The following ULK2 variants were observed in gnomAD, a reference collection of about 807,000 sequenced individuals.
ULK2 encodes unc-51 like autophagy activating kinase 2.
ULK2 carries 76 observed loss-of-function variants against 127.5 expected under a neutral mutation model. The ratio of observed to expected loss-of-function variants is 0.60; its 90% CI spans 0.50 to 0.72. ULK2 has a LOEUF of 0.72. ULK2 is among the 30% of genes least tolerant of loss of function. ULK2 has a pLI of 0.00. For missense variants in ULK2, 1,144 were observed against 1,295.9 expected, an observed-to-expected ratio of 0.88 and a Z score of 1.80; for synonymous variants, 452 against 461.9, an observed-to-expected ratio of 0.98 and a Z score of 0.28.
At chr17:19,786,201 T>TC (rs1378021164) in intron 20 of ULK2, 115 bp from the exon 21 acceptor site, 8 of 899,334 alleles carry the variant, frequency 8.9e-6, no homozygotes, top group South Asian at 3.9e-5. Context: ...TTTTTTTTTT[T>TC]CCCTCTTCTT....
chr17:19,857,475 A>T (rs1301988301), intron 3 of ULK2, among the ~76,000 whole-genome samples: 1 of 152,152 alleles, frequency 6.6e-6, no homozygotes, highest in East Asian at 1.9e-4. Context: ...TTAAGCTTTT[A>T]ATTCATTTGG....
intron 9 of ULK2, among the ~76,000 whole-genome samples, chr17:19,839,224 T>C (rs2041676089): frequency 1.3e-5 from 2 of 152,114 alleles, no homozygotes; most frequent in African/African-American, 2.4e-5. Context: ...TATTACAAAG[T>C]AGCCACCTCC....
chr17:19,819,983 T>C (rs73980716), intron 12 of ULK2, among the ~76,000 whole-genome samples: 1 of 152,130 alleles, frequency 6.6e-6, no homozygotes, highest in African/African-American at 2.4e-5. Flanking sequence ...TGGGAGAATC[T>C]AGCTAAAAAA....
chr17:19,775,092 TTAAAA>T lies in ULK2; in HGVS notation c.*1252_*1256del, dbSNP rs2086791301. 6.6e-6 allele frequency: 1 copy of T among 152,556 alleles called. No homozygotes were observed. Among genetic ancestry groups the T allele is most frequent in the African/African-American group, 2.4e-5 (1 of 41,426 alleles). 9.5% of individuals were successfully genotyped at this position (152,556 alleles called of 1,614,324 possible). ...GTTCAGATTATTTTATGTAAAAGGA[TTAAAA>T]TAAAAGGATTAAAATTGGTGAATGG... On this transcript the variant is annotated 3_prime_UTR_variant, in exon 27 of 27. Transcript: ENST00000395544.
chr17:19,852,634 T>A (rs2042043051), intron 3 of ULK2, among the ~76,000 whole-genome samples: 1 of 135,222 alleles, frequency 7.4e-6, no homozygotes, highest in Non-Finnish European at 1.5e-5. Context: ...ATAAAGTAAA[T>A]TTTTTTTTTT....
At chr17:19,807,966 C>T (rs1240332790) in intron 14 of ULK2, among the ~76,000 whole-genome samples, 1 of 152,008 alleles carries the variant, frequency 6.6e-6, no homozygotes, top group Non-Finnish European at 1.5e-5. Context: ...ATTAGCCAGG[C>T]GTGGTGGCGG....
intron 3 of ULK2, among the ~76,000 whole-genome samples, chr17:19,851,668 A>G (rs1356265485): frequency 6.6e-6 from 1 of 151,900 alleles, no homozygotes; most frequent in Non-Finnish European, 1.5e-5. Context: ...ATAAAAATAA[A>G]AAAGTCTTGA....
At chr17:19,804,457 T>A (rs1022387736) in intron 15 of ULK2, among the ~76,000 whole-genome samples, 5 of 151,800 alleles carry the variant, frequency 3.3e-5, no homozygotes, top group Non-Finnish European at 7.4e-5. Context: ...TACACATGTA[T>A]ACTTAACATA....
At chr17:19,795,018 G>A (rs1025240684) in intron 20 of ULK2, among the ~76,000 whole-genome samples, 5 of 152,004 alleles carry the variant, frequency 3.3e-5, no homozygotes, top group Admixed American at 6.5e-5. Flanking sequence ...GGCGGAGCTT[G>A]CAGTGAGCCA....
chr17:19,846,633 C>A, intron 6 of ULK2, 104 bp downstream of exon 6: 2 of 1,284,464 alleles, frequency 1.6e-6, no homozygotes, highest in Non-Finnish European at 2.1e-6. Flanking sequence ...GAGCGAGACT[C>A]CATCTCAAAA....
At position 19,829,551 on chromosome 17, in the gene ULK2, G is replaced by GGGGC. The variant is rs1567708399; in HGVS notation, c.788-3366_788-3365insGCCC. 2.8e-5 allele frequency among the ~76,000 whole-genome samples: 4 copies of GGGGC among 141,774 alleles called. 1 individual carries two copies. In the South Asian group the frequency reaches 9.2e-4, roughly 32 times the overall value. The allele number at this position is 141,774 out of a possible 152,430, so 93.0% of individuals were successfully genotyped here. ...GACCCTGTCAAGGAAAAAAAAAAGG[G>GGGGC]GGGGGGCTGGGCACGGTAGCTCACG... On this transcript the variant is annotated intron_variant, in intron 10 of 26. Transcript: ENST00000395544.
intron 9 of ULK2, chr17:19,840,213 C>A: frequency 4.0e-6 from 2 of 499,568 alleles, no homozygotes; most frequent in South Asian, 1.5e-5. Context: ...TCCGGACACC[C>A]GACGGGCGCA....
At chr17:19,842,412 G>C in intron 8 of ULK2, among the ~76,000 whole-genome samples, 1 of 151,754 alleles carries the variant, frequency 6.6e-6, no homozygotes, top group Non-Finnish European at 1.5e-5. Context: ...GGTCAGGCTG[G>C]TCTCGAACTC....
chr17:19,811,790 AT>A (rs2087647322), intron 13 of ULK2, among the ~76,000 whole-genome samples: 2 of 152,300 alleles, frequency 1.3e-5, no homozygotes, highest in South Asian at 4.1e-4. Context: ...ACCCAATGGG[AT>A]TATCCTAAGG....
intron 17 of ULK2, among the ~76,000 whole-genome samples, chr17:19,798,803 C>A (rs1212165173): frequency 1.3e-5 from 2 of 152,114 alleles, no homozygotes; most frequent in Non-Finnish European, 2.9e-5. Flanking sequence ...TCTTTTCAGG[C>A]AAATACATAT....
intron 8 of ULK2, 151 bp from the exon 9 acceptor site, chr17:19,841,698 G>A (rs2041762553): frequency 5.2e-6 from 3 of 579,560 alleles, no homozygotes; most frequent in Non-Finnish European, 8.8e-6. Context: ...GAAAGTATGA[G>A]GGAGGAGGAA....
Position 19,825,137 on chromosome 17 carries a change from C to A in ULK2, c.881G>T (p.Ser294Ile). ...ACAAGATGGAGAGCTGCCACAGGAG[C>A]TTCCAGAGACAGAACCAGAATACAT... ...VPMYSGSVSGSSCGSSPSCRF... is the reference protein window; with the variant it reads ...VPMYSGSVSGISCGSSPSCRF... Residue 294 changes from serine (S) to isoleucine (I), a missense_variant, in exon 12 of 27, where the codon AGC (serine) becomes ATC (isoleucine). Physicochemically the swap from Ser to Ile is moderately radical, Grantham distance 142 (BLOSUM62 -2). Around this residue, in one of 2 missense-constraint regions of ULK2, gnomAD observed 913 missense variants for 970.5 expected, o/e 0.94. Transcript: ENST00000395544. The A allele has an allele frequency of 6.2e-7, 1 of 1,614,162 alleles. No individual in the cohort carries two copies. Among genetic ancestry groups the A allele is most frequent in the East Asian group, 2.2e-5 (1 of 44,892 alleles).
At chr17:19,785,773 TA>T (rs1159103784) in intron 21 of ULK2, among the ~76,000 whole-genome samples, 163 bp downstream of exon 21, 1 of 152,186 alleles carries the variant, frequency 6.6e-6, no homozygotes. Context: ...ATTTACTTCT[TA>T]TAACCCATTA....
chr17:19,794,618 T>C (rs1464257417), intron 20 of ULK2, among the ~76,000 whole-genome samples: 2 of 151,918 alleles, frequency 1.3e-5, no homozygotes, highest in African/African-American at 4.8e-5. Flanking sequence ...GATAGTACAG[T>C]GAAATATTAA....
Sources: allele counts gnomAD v4.1 joint callset (sites outside exome capture counted in the v4.1 genomes callset), GRCh38; gene constraint gnomAD v4.1.1; regional missense constraint gnomAD v4.1.1; transcripts MANE v1.5; gene names NCBI Gene and HGNC (gene_info 2026-07-23, HGNC 2026-07-21).